CACNA1C: variants seen among roughly 807,000 people sequenced by gnomAD.
CACNA1C encodes the protein calcium voltage-gated channel subunit alpha1 C, also known as voltage-dependent L-type calcium channel subunit alpha-1C.
A neutral mutation model predicts 229.0 loss-of-function variants in CACNA1C; 30 were observed. That is an observed-to-expected ratio of 0.13 (90% CI 0.10 to 0.18). The LOEUF (loss-of-function observed/expected upper bound fraction) is 0.18, where lower values mean the gene tolerates loss of function less well. Among genes scored for constraint, CACNA1C ranks in the 10% least tolerant of loss-of-function variants. The pLI is 1.00. For synonymous variants in CACNA1C, 1,114 were observed against 1,132.5 expected (o/e 0.98, Z 0.33); for missense variants, 1,658 against 2,845.0 (o/e 0.58, Z 9.49).
At chr12:2,469,635 C>T (rs1567872658) in intron 5 of CACNA1C, among the ~76,000 whole-genome samples, 2 of 152,130 alleles carry the variant, frequency 1.3e-5, no homozygotes, top group South Asian at 2.1e-4. Context: ...AATGGAAAAG[C>T]GCTGAACTCA....
intron 9 of CACNA1C, among the ~76,000 whole-genome samples, chr12:2,517,741 G>C (rs1344716713): frequency 6.6e-6 from 1 of 152,206 alleles, no homozygotes; most frequent in African/African-American, 2.4e-5. Context: ...CATCAGCAGA[G>C]ATGCACTGCT....
intron 2 of CACNA1C, among the ~76,000 whole-genome samples, chr12:2,116,027 C>T (rs7308915): frequency 0.07 from 10,695 of 152,104 alleles, 1,106 homozygotes; most frequent in African/African-American, 0.23. Context: ...GATGGAAGAG[C>T]GTAGTGGTCA....
At position 2,651,995 on chromosome 12, in the gene CACNA1C, G is replaced by C. The variant is rs745863535; in HGVS notation, c.4074+227G>C. Among the ~76,000 whole-genome samples, 2 of 152,040 alleles carry C rather than the reference G, an allele frequency of 1.3e-5. No homozygotes were observed. Among genetic ancestry groups the C allele is most frequent in the Non-Finnish European group, 2.9e-5 (2 of 68,020 alleles). ...CCCCAGAAGGCCAGGTGGTAAAGGA[G>C]GGATGGGAGCTAAGGGGAGGCAGAA... On this transcript the variant is annotated intron_variant, in intron 32 of 46. Transcript: ENST00000399655. This position sits in a 1 kb window ranked among gnomAD's most constrained non-coding sequence, Gnocchi z 5.4.
rs559627888 is a variant in CACNA1C at position 2,348,819 on chromosome 12, T to G, written c.478-100157T>G. On this transcript the variant is annotated intron_variant, in intron 3 of 46. Transcript: ENST00000399655. This position sits in a 1 kb window ranked among gnomAD's most constrained non-coding sequence, Gnocchi z 4.7. Reference sequence around the variant, plus strand: ...ATGGCTGGACTTCCCAGACACAGGGTGGGGCTGTTGGATGTTACCCGTCAT... The same window carrying G: ...ATGGCTGGACTTCCCAGACACAGGGGGGGGCTGTTGGATGTTACCCGTCAT... Among the ~76,000 whole-genome samples the G allele has an allele frequency of 3.4e-4, 51 of 152,074 alleles. No individual in the cohort carries two copies. The highest frequency in any genetic ancestry group is 6.5e-4 in the Non-Finnish European group (44 of 67,980).
At chr12:2,381,460 A>G (rs2098244658) in intron 3 of CACNA1C, among the ~76,000 whole-genome samples, 1 of 152,242 alleles carries the variant, frequency 6.6e-6, no homozygotes, top group South Asian at 2.1e-4. Context: ...GAAATGCCCT[A>G]TAAATTAGCT....
intron 18 of CACNA1C, among the ~76,000 whole-genome samples, chr12:2,589,569 G>A (rs2064184815): frequency 6.6e-6 from 1 of 152,242 alleles, no homozygotes; most frequent in East Asian, 1.9e-4. Context: ...GGGCAGGGCA[G>A]GAGGGCAGGG....
At chr12:2,231,108 C>T (rs539107822) in intron 3 of CACNA1C, among the ~76,000 whole-genome samples, 1 of 152,304 alleles carries the variant, frequency 6.6e-6, no homozygotes, top group African/African-American at 2.4e-5. Flanking sequence ...TCCATGTGAG[C>T]ACCTGCCAGG....
At chr12:2,236,269 G>A (rs888883463) in intron 3 of CACNA1C, among the ~76,000 whole-genome samples, 1 of 152,180 alleles carries the variant, frequency 6.6e-6, no homozygotes, top group Admixed American at 6.5e-5. Context: ...AGAATCTCAG[G>A]TCCAGCAAGC....
chr12:2,135,630 G>A (rs566816823), intron 3 of CACNA1C, among the ~76,000 whole-genome samples: 4 of 140,822 alleles, frequency 2.8e-5, no homozygotes, highest in African/African-American at 9.0e-5. Context: ...GGGGTCAGGG[G>A]TCAGGGACCC....
chr12:2,055,353 G>A (rs1346589990), intron 1 of CACNA1C, among the ~76,000 whole-genome samples: 1 of 152,240 alleles, frequency 6.6e-6, no homozygotes, highest in Non-Finnish European at 1.5e-5. Context: ...AAGCAGCATT[G>A]AAGAGGAGAG....
At chr12:2,341,930 A>G (rs2096876171) in intron 3 of CACNA1C, among the ~76,000 whole-genome samples, 1 of 152,304 alleles carries the variant, frequency 6.6e-6, no homozygotes, top group African/African-American at 2.4e-5. Context: ...GGCTGCATTT[A>G]AGGCCCACTG....
chr12:2,612,148 G>A (rs2078148370), intron 29 of CACNA1C, 135 bp downstream of exon 29: 2 of 637,024 alleles, frequency 3.1e-6, no homozygotes, highest in Non-Finnish European at 2.8e-6. Context: ...CTGCTCCGAT[G>A]GTCAGTGCCC....
intron 11 of CACNA1C, among the ~76,000 whole-genome samples, chr12:2,565,422 G>A (rs1319265095): frequency 8.1e-5 from 12 of 147,692 alleles, no homozygotes; most frequent in Non-Finnish European, 1.5e-4. Flanking sequence ...AGCCGAGATT[G>A]CGCCACTGCA....
chr12:2,365,301 G>C (rs577122799), intron 3 of CACNA1C, among the ~76,000 whole-genome samples: 1 of 152,288 alleles, frequency 6.6e-6, no homozygotes, highest in Non-Finnish European at 1.5e-5. Flanking sequence ...AAAGAAATCG[G>C]TAATTTTAGG....
intron 3 of CACNA1C, among the ~76,000 whole-genome samples, chr12:2,359,575 C>A (rs1170382392): frequency 1.3e-5 from 2 of 149,804 alleles, no homozygotes; most frequent in Admixed American, 6.7e-5. Flanking sequence ...AAGACACAAA[C>A]TGTTCAAGGG....
chr12:2,090,205 T>C (rs2070026831), intron 1 of CACNA1C, among the ~76,000 whole-genome samples: 3 of 152,168 alleles, frequency 2.0e-5, no homozygotes, highest in Admixed American at 6.5e-5. Context: ...GTGACTGGTT[T>C]ATTTCACGTA....
chr12:2,445,431 G>T (rs2099268024), intron 3 of CACNA1C, among the ~76,000 whole-genome samples: 1 of 152,202 alleles, frequency 6.6e-6, no homozygotes, highest in African/African-American at 2.4e-5. Context: ...GTTAATGTTG[G>T]ATTGAATGAT....
At chr12:2,009,585 T>A (rs932291598) in intron 1 of CACNA1C, among the ~76,000 whole-genome samples, 1 of 152,170 alleles carries the variant, frequency 6.6e-6, no homozygotes, top group African/African-American at 2.4e-5. Flanking sequence ...CCCTAAGAAT[T>A]TGTGATTCTG....
rs754865091 is a variant in CACNA1C at position 2,120,453 on chromosome 12, T to G, written c.477+23T>G. The G allele has an allele frequency of 1.3e-5, 17 of 1,277,540 alleles. No individual in the cohort carries two copies. In the Admixed American group the frequency reaches 1.5e-4, roughly 11 times the overall value. The allele number at this position is 1,277,540 out of a possible 1,614,324, so 79.1% of individuals were successfully genotyped here. A position where few individuals can be genotyped will look rare whatever the true frequency, so the allele number is the denominator to read the frequency against. On this transcript the variant is annotated intron_variant, in intron 3 of 46. Transcript: ENST00000399655. Reference sequence around the variant, plus strand: ...CTGGTAAGTCCACCATCCTCAAGTCTCTGCTTTTTCACTCGATGGAGAACT... The same window carrying G: ...CTGGTAAGTCCACCATCCTCAAGTCGCTGCTTTTTCACTCGATGGAGAACT...
Sources: gnomAD v4.1 joint callset for allele counts (sites outside exome capture counted in the v4.1 genomes callset) on GRCh38, gnomAD v4.1.1 for gene constraint, Gnocchi (gnomAD v3.1) non-coding constraint, MANE v1.5 for transcripts, NCBI Gene and HGNC (gene_info 2026-07-23, HGNC 2026-07-21) for gene names.